The following IFFO1 variants were observed in gnomAD, a reference collection of about 807,000 sequenced individuals.
IFFO1 encodes non-homologous end joining factor IFFO1.
Under a neutral mutation model 59.6 loss-of-function variants are expected in IFFO1, and 42 were observed. The ratio of observed to expected loss-of-function variants is 0.70; its 90% CI spans 0.55 to 0.91. The LOEUF is 0.91. IFFO1 is among the 40% of genes least tolerant of loss of function. The pLI is 0.00. For synonymous variants in IFFO1, 336 were observed against 342.8 expected (o/e 0.98, Z 0.22); for missense variants, 711 against 793.2 (o/e 0.90, Z 1.24).
Position 6,541,474 on chromosome 12 carries a change from TC to T in IFFO1, c.1610+37del, listed in dbSNP as rs1213117675. ...TGTTCCAACCTTTCTCCCCGCTGTG[TC>T]CCCCTGGAAGGCCCCATGCCCAGGG... On this transcript the variant is annotated intron_variant, in intron 9 of 9. Transcript: ENST00000619571. The surrounding 1 kb of genome is among the most constrained non-coding windows in gnomAD (Gnocchi z 4.8). 1 of 1,608,776 alleles carries T rather than the reference TC, an allele frequency of 6.2e-7. No homozygotes were observed. The highest frequency in any genetic ancestry group is 8.5e-7 in the Non-Finnish European group (1 of 1,178,854).
At chr12:6,553,027 C>T (rs890633853) in intron 1 of IFFO1, among the ~76,000 whole-genome samples, 4 of 152,178 alleles carry the variant, frequency 2.6e-5, no homozygotes, top group Non-Finnish European at 1.5e-5. Flanking sequence ...AAAAAGGTCA[C>T]GCACAAGGCA....
chr12:6,548,002 G>T lies in IFFO1; in HGVS notation c.1479+63C>A. On this transcript the variant is annotated intron_variant, in intron 8 of 9. Coordinates refer to ENST00000619571, the MANE Select transcript of IFFO1 (RefSeq NM_001193457.2). This position sits in a 1 kb window ranked among gnomAD's most constrained non-coding sequence, Gnocchi z 6.1. ...CCTGCAGCAGGGATGAGGCCACTGCGCCTGCAGCCCCACTCAAAACCCTCT... is the reference window on the plus strand; with the variant it reads ...CCTGCAGCAGGGATGAGGCCACTGCTCCTGCAGCCCCACTCAAAACCCTCT... The T allele has an allele frequency of 1.6e-6, 2 of 1,217,222 alleles. No individual in the cohort carries two copies. Among genetic ancestry groups the T allele is most frequent in the Non-Finnish European group, 1.2e-6 (1 of 819,380 alleles). 75.4% of individuals were successfully genotyped at this position (1,217,222 alleles called of 1,614,324 possible). A position where few individuals can be genotyped will look rare whatever the true frequency, so the allele number is the denominator to read the frequency against.
At position 6,540,255 on chromosome 12, in the gene IFFO1, A is replaced by C; in HGVS notation, c.*228T>G. 1.7e-6 allele frequency: 1 copy of C among 580,336 alleles called. No individual in the cohort carries two copies. The highest frequency in any genetic ancestry group is 3.1e-6 in the Non-Finnish European group (1 of 326,080). The allele number at this position is 580,336 out of a possible 1,614,324, so 35.9% of individuals were successfully genotyped here. On this transcript the variant is annotated 3_prime_UTR_variant, in exon 10 of 10. Transcript: ENST00000619571. ...CACGCGTGAAGGCAGGAGAGCCCCA[A>C]CTGTGGTGGAAATGGCCCCAGAATG...
chr12:6,546,112 C>T (rs115832169), intron 8 of IFFO1, among the ~76,000 whole-genome samples: 1,537 of 152,258 alleles, frequency 0.01, 27 homozygotes, highest in African/African-American at 0.034. Context: ...CAAAAGGTAC[C>T]GCCACAGCGC....
chr12:6,540,691 T>A, intron 9 of IFFO1, 103 bp from the exon 10 acceptor site: 1 of 1,025,068 alleles, frequency 9.8e-7, no homozygotes, highest in Non-Finnish European at 1.5e-6. Context: ...CCGTGAGAAG[T>A]ACCGGAAGCG....
rs1946690639 is a variant in IFFO1, at chr12:6,541,074, A to C, written c.1610+438T>G. 6.6e-6 allele frequency among the ~76,000 whole-genome samples: 1 copy of C among 151,018 alleles called. No individual in the cohort carries two copies. The highest frequency in any genetic ancestry group is 2.4e-5 in the African/African-American group (1 of 41,054). On this transcript the variant is annotated intron_variant, in intron 9 of 9. Coordinates refer to ENST00000619571, the MANE Select transcript of IFFO1 (RefSeq NM_001193457.2). The surrounding 1 kb of genome is among the most constrained non-coding windows in gnomAD (Gnocchi z 4.8). ...AGTCACAGTAGGAGAGAAGCTGCTGAGCCTCCAGCACCCTGACTCTAGGGC... is the reference window on the plus strand; with the variant it reads ...AGTCACAGTAGGAGAGAAGCTGCTGCGCCTCCAGCACCCTGACTCTAGGGC...
At chr12:6,550,482 C>T (rs1947183225) in intron 3 of IFFO1, 1 of 581,108 alleles carries the variant, frequency 1.7e-6, no homozygotes, top group Non-Finnish European at 3.1e-6. Flanking sequence ...ACCCCAGGCC[C>T]TCAGAAGCTG....
Position 6,550,688 on chromosome 12 carries a change from C to T in IFFO1, c.930+7G>A, listed in dbSNP as rs1200957905. ...TCGACCCTCGGGAAGCCTGGGGCTG[C>T]ACTCACGTTACTCATGAGCCCCTTG... On this transcript the variant is annotated splice_region_variant and intron_variant, in intron 3 of 9. Coordinates refer to ENST00000619571, the MANE Select transcript of IFFO1 (RefSeq NM_001193457.2). 2 of 1,610,308 alleles carry T rather than the reference C, an allele frequency of 1.2e-6. No individual in the cohort carries two copies. The highest frequency in any genetic ancestry group is 2.7e-5 in the African/African-American group (2 of 74,844).
chr12:6,550,923 G>A lies in IFFO1; in HGVS notation c.834+18C>T. On this transcript the variant is annotated intron_variant, in intron 2 of 9. Coordinates refer to ENST00000619571, the MANE Select transcript of IFFO1 (RefSeq NM_001193457.2). Reference sequence around the variant, plus strand: ...GTACCCAGGGAAGCACCAGCAGCAAGTGGGGCGCCACCCTCACCTCCTGGA... The same window carrying A: ...GTACCCAGGGAAGCACCAGCAGCAAATGGGGCGCCACCCTCACCTCCTGGA... 1.9e-6 allele frequency: 3 copies of A among 1,613,838 alleles called. No homozygotes were observed. Among genetic ancestry groups the A allele is most frequent in the Non-Finnish European group, 2.5e-6 (3 of 1,179,730 alleles).
intron 9 of IFFO1, among the ~76,000 whole-genome samples, chr12:6,540,938 A>C (rs1172396942): frequency 2.0e-5 from 3 of 151,722 alleles, no homozygotes; most frequent in Admixed American, 6.6e-5. Flanking sequence ...AAAATGCAAA[A>C]ATTAGCCAGG....
In IFFO1 at chr12:6,548,210, G is replaced by T; in HGVS notation, c.1384-50C>A. 1.3e-6 allele frequency: 2 copies of T among 1,493,852 alleles called. No homozygotes were observed. The highest frequency in any genetic ancestry group is 1.9e-6 in the Non-Finnish European group (2 of 1,070,908). 92.5% of individuals were successfully genotyped at this position (1,493,852 alleles called of 1,614,324 possible). A position where few individuals can be genotyped will look rare whatever the true frequency, so the allele number is the denominator to read the frequency against. ...AGGCCAGCCAAGGAGGGATGGGATG[G>T]GACGCATTCCAAAGGGCCAAGTCAG... On this transcript the variant is annotated intron_variant, in intron 7 of 9. Coordinates refer to ENST00000619571, the MANE Select transcript of IFFO1 (RefSeq NM_001193457.2). The surrounding 1 kb of genome is among the most constrained non-coding windows in gnomAD (Gnocchi z 6.1).
Position 6,550,781 on chromosome 12 carries a change from C to T in IFFO1, c.844G>A (p.Glu282Lys), listed in dbSNP as rs1947197355. Reference protein sequence around the residue: ...RVNELQEEAQEADACQEELAL... With the variant: ...RVNELQEEAQKADACQEELAL... ...AGCTCCTCCTGGCAGGCATCAGCCT[C>T]CTGGGCTTCCTGCAGTTGGGAGAAA... The change falls in exon 3 of 10, where the codon GAG (glutamate) becomes AAG (lysine). Residue 282 changes from glutamate (E) to lysine (K), a missense_variant. Physicochemically the swap from Glu to Lys is moderately conservative, Grantham distance 56 (BLOSUM62 1). Transcript: ENST00000619571. 1 of 1,614,068 alleles carries T rather than the reference C, an allele frequency of 6.2e-7. No individual in the cohort carries two copies. The highest frequency in any genetic ancestry group is 8.5e-7 in the Non-Finnish European group (1 of 1,179,980).
Position 6,555,844 on chromosome 12 carries a change from G to A in IFFO1, c.186C>T (p.Ala62=), listed in dbSNP as rs1422461543. 9.3e-6 allele frequency: 15 copies of A among 1,609,980 alleles called. No homozygotes were observed. Among genetic ancestry groups the A allele is most frequent in the Non-Finnish European group, 1.3e-5 (15 of 1,178,762 alleles). Residue 62 remains alanine (A), a synonymous_variant, in exon 1 of 10, where the codon GCC becomes GCT. Coordinates refer to ENST00000619571, the MANE Select transcript of IFFO1 (RefSeq NM_001193457.2). This position sits in a 1 kb window ranked among gnomAD's most constrained non-coding sequence, Gnocchi z 8.6. Reference sequence around the variant, plus strand: ...CCAGGTCATTGCGGAGGGCCATGGCGGCAGGCGGGGCCGGGCCCGGCCCGG... The same window carrying A: ...CCAGGTCATTGCGGAGGGCCATGGCAGCAGGCGGGGCCGGGCCCGGCCCGG... ...SPPGPGPAPP[A]AMALRNDLGS...
At chr12:6,550,068 C>T in intron 3 of IFFO1, 172 bp from the exon 4 acceptor site, 1 of 668,654 alleles carries the variant, frequency 1.5e-6, no homozygotes, top group Non-Finnish European at 2.4e-6. Flanking sequence ...CTCCCCACAG[C>T]ACTGTGTGAA....
chr12:6,551,320 AG>A, intron 1 of IFFO1: 3 of 851,734 alleles, frequency 3.5e-6, no homozygotes, highest in Non-Finnish European at 5.1e-6. Flanking sequence ...GCCCCAGCTC[AG>A]CCAGCTGTCC....
At chr12:6,553,376 G>A (rs543273978) in intron 1 of IFFO1, among the ~76,000 whole-genome samples, 6 of 152,310 alleles carry the variant, frequency 3.9e-5, no homozygotes, top group Admixed American at 1.3e-4. Flanking sequence ...CTGTGGTTAT[G>A]GATGTATTCC....
At chr12:6,545,170 G>A (rs11064248) in intron 8 of IFFO1, among the ~76,000 whole-genome samples, 32,175 of 151,266 alleles carry the variant, frequency 0.21, 3,704 homozygotes, top group Admixed American at 0.26. Context: ...AGCTGAGATC[G>A]CGCCACTGCA....
Position 6,540,280 on chromosome 12 carries a change from G to C in IFFO1, c.*203C>G. 1 of 590,628 alleles carries C rather than the reference G, an allele frequency of 1.7e-6. No individual in the cohort carries two copies. The highest frequency in any genetic ancestry group is 2.0e-5 in the South Asian group (1 of 49,986). The allele number at this position is 590,628 out of a possible 1,614,324, so 36.6% of individuals were successfully genotyped here. A position where few individuals can be genotyped will look rare whatever the true frequency, so the allele number is the denominator to read the frequency against. On this transcript the variant is annotated 3_prime_UTR_variant, in exon 10 of 10. Coordinates refer to ENST00000619571, the MANE Select transcript of IFFO1 (RefSeq NM_001193457.2). ...ACTGTGGTGGAAATGGCCCCAGAAT[G>C]GTAGGGCCAAGCCTAGCTCCAGACA...
At chr12:6,542,089 A>G (rs1031864751) in intron 8 of IFFO1, among the ~76,000 whole-genome samples, 1 of 152,142 alleles carries the variant, frequency 6.6e-6, no homozygotes, top group Non-Finnish European at 1.5e-5. Flanking sequence ...ATCCTGGCAG[A>G]CCCAGACCTC....
Sources: allele counts gnomAD v4.1 joint callset (sites outside exome capture counted in the v4.1 genomes callset), GRCh38; gene constraint gnomAD v4.1.1; non-coding constraint Gnocchi (gnomAD v3.1); transcripts MANE v1.5; gene names NCBI Gene and HGNC (gene_info 2026-07-23, HGNC 2026-07-21).